Variants in SMARCC1 observed in about 807,000 individuals in gnomAD.
SMARCC1 encodes the protein SWI/SNF related BAF chromatin remodeling complex subunit C1.
Under a neutral mutation model 147.4 loss-of-function variants are expected in SMARCC1, and 43 were observed. The ratio of observed to expected loss-of-function variants is 0.29; its 90% confidence interval spans 0.23 to 0.38. SMARCC1 has a LOEUF of 0.38. SMARCC1 is among the 10% of genes least tolerant of loss of function. The pLI, the probability that SMARCC1 is intolerant of heterozygous loss-of-function variation, is 1.00. For synonymous variants in SMARCC1, 495 were observed against 484.4 expected, an observed-to-expected ratio of 1.02 and a Z score of -0.29; for missense variants, 1,119 against 1,381.1, an observed-to-expected ratio of 0.81 and a Z score of 3.01.
At chr3:47,727,267 G>T (rs1278140358) in intron 6 of SMARCC1, among the ~76,000 whole-genome samples, 4 of 152,062 alleles carry the variant, frequency 2.6e-5, no homozygotes, top group African/African-American at 9.7e-5. Flanking sequence ...CCAGCACTTT[G>T]GGAGGCCGAG....
At chr3:47,619,658 G>A (rs147987548) in intron 25 of SMARCC1, among the ~76,000 whole-genome samples, 3 of 152,296 alleles carry the variant, frequency 2.0e-5, no homozygotes, top group Non-Finnish European at 2.9e-5. Context: ...ATGAGCTCCC[G>A]GGGCAGGAGA....
intron 25 of SMARCC1, among the ~76,000 whole-genome samples, chr3:47,613,037 A>G (rs2106673358): frequency 6.6e-6 from 1 of 152,352 alleles, no homozygotes; most frequent in Non-Finnish European, 1.5e-5. Context: ...TGTGGCAATC[A>G]GAAAGAATGT....
At chr3:47,640,466 T>C (rs1008069190) in intron 21 of SMARCC1, among the ~76,000 whole-genome samples, 1 of 152,078 alleles carries the variant, frequency 6.6e-6, no homozygotes, top group Admixed American at 6.5e-5. Flanking sequence ...AAAAACTTTA[T>C]TCCAAGTAAA....
At chr3:47,728,063 C>T (rs1473734678) in intron 6 of SMARCC1, among the ~76,000 whole-genome samples, 2 of 148,472 alleles carry the variant, frequency 1.3e-5, no homozygotes, top group African/African-American at 2.5e-5. Context: ...CCGGATTTAA[C>T]CACCTTATTA....
chr3:47,701,381 C>T lies in SMARCC1; in HGVS notation c.1062G>A (p.Lys354=), dbSNP rs202054191. 5.3e-4 allele frequency: 852 copies of T among 1,613,856 alleles called. 5 individuals are homozygous for T. The South Asian group carries it at 8.9e-3, about 17-fold the overall frequency. ...CATCTTCCTCTTTCTGACTTCTGCG[C>T]TTCCCATAAAGGCTAGCTTGGCTAA... ...GKKGQASLYG[K]RRSQKEEDEQ... is the part of the protein sequence containing the mutation. Residue 354 remains lysine, a synonymous_variant, in exon 11 of 28, where the codon AAG becomes AAA. Transcript: ENST00000254480.
intron 12 of SMARCC1, 101 bp from the exon 13 acceptor site, chr3:47,689,525 G>T (rs1363121655): frequency 8.1e-6 from 8 of 986,180 alleles, no homozygotes; most frequent in East Asian, 2.4e-5. Flanking sequence ...ACAGAGAAAA[G>T]GAATGAAATA....
At chr3:47,775,434 A>C (rs1481676191) in intron 1 of SMARCC1, among the ~76,000 whole-genome samples, 1 of 144,288 alleles carries the variant, frequency 6.9e-6, no homozygotes, top group African/African-American at 2.5e-5. Context: ...TGCTGGGATT[A>C]CAGGTGTGAG....
intron 19 of SMARCC1, among the ~76,000 whole-genome samples, chr3:47,665,933 T>A (rs1383844182): frequency 6.6e-6 from 1 of 151,852 alleles, no homozygotes; most frequent in Non-Finnish European, 1.5e-5. Context: ...AATCCTTCCA[T>A]CTCAGCCTCA....
rs2032542460 is a variant in SMARCC1 at position 47,610,144 on chromosome 3, C to G, written c.2965G>C (p.Gly989Arg). 1 of 1,613,812 alleles carries G rather than the reference C, an allele frequency of 6.2e-7. No individual in the cohort carries two copies. Among genetic ancestry groups the G allele is most frequent in the Non-Finnish European group, 8.5e-7 (1 of 1,180,046 alleles). ...GGGGGCTGTTGATGAGGCATCATGC[C>G]AGGGTGCCCTGCTGCTCCAAGTGGG... ...LAPLGAAGHP[G>R]MMPHQQPPPY... Residue 989 changes from glycine (G) to arginine (R), a missense_variant, in exon 26 of 28, where the codon GGC becomes CGC. Physicochemically the swap from Gly to Arg is moderately radical, Grantham distance 125 (BLOSUM62 -2). This residue lies in a region of SMARCC1 where 186 missense variants were observed against 216.5 expected (regional missense o/e 0.86). Coordinates refer to ENST00000254480, the MANE Select transcript of SMARCC1 (RefSeq NM_003074.4).
intron 6 of SMARCC1, among the ~76,000 whole-genome samples, chr3:47,727,617 GTTTTTTT>G (rs1019175816): frequency 6.9e-6 from 1 of 145,062 alleles, no homozygotes; most frequent in Non-Finnish European, 1.5e-5. Context: ...GTTGTTTTTT[GTTTTTTT>G]TTTTAGGTAA....
At chr3:47,774,938 AG>A (rs2034956906) in intron 1 of SMARCC1, among the ~76,000 whole-genome samples, 1 of 151,876 alleles carries the variant, frequency 6.6e-6, no homozygotes, top group Non-Finnish European at 1.5e-5. Context: ...CCAGAGAGCT[AG>A]GACTACAGAG....
At chr3:47,645,685 T>C (rs2033110805) in intron 21 of SMARCC1, among the ~76,000 whole-genome samples, 1 of 152,236 alleles carries the variant, frequency 6.6e-6, no homozygotes, top group African/African-American at 2.4e-5. Context: ...TGAATAAGTA[T>C]AATGTGGGAG....
chr3:47,727,482 G>A (rs2034312998), intron 6 of SMARCC1, among the ~76,000 whole-genome samples: 1 of 152,074 alleles, frequency 6.6e-6, no homozygotes. Flanking sequence ...ACTCTAGCCT[G>A]GGTGACAGAA....
intron 26 of SMARCC1, among the ~76,000 whole-genome samples, chr3:47,608,500 CT>C (rs2032513222): frequency 6.6e-6 from 1 of 152,060 alleles, no homozygotes; most frequent in South Asian, 2.1e-4. Flanking sequence ...ACTGATCAAT[CT>C]TAATTACCAC....
rs200011386 is a variant in SMARCC1, at chr3:47,635,996, A to G, written c.2491+26T>C. On this transcript the variant is annotated intron_variant, in intron 23 of 27. Coordinates refer to ENST00000254480, the MANE Select transcript of SMARCC1 (RefSeq NM_003074.4). The stretch of plus-strand genomic sequence containing the variant: ...GTGCCTTTTACAGTTTTACATAATA[A>G]TATCTAAGGAGTTTCCTCAAATTAC... The G allele has an allele frequency of 6.5e-6, 7 of 1,071,344 alleles. No individual in the cohort carries two copies. In the African/African-American group the frequency reaches 7.9e-5, roughly 12 times the overall value. The allele number at this position is 1,071,344 out of a possible 1,614,324, so 66.4% of individuals were successfully genotyped here. A position where few individuals can be genotyped will look rare whatever the true frequency, so the allele number is the denominator to read the frequency against.
chr3:47,602,975 C>A (rs1423429598), intron 26 of SMARCC1, among the ~76,000 whole-genome samples: 1 of 152,100 alleles, frequency 6.6e-6, no homozygotes, highest in Admixed American at 6.5e-5. Context: ...CATAGTGAGA[C>A]CTTGTCTCTA....
intron 22 of SMARCC1, among the ~76,000 whole-genome samples, chr3:47,637,466 CTT>C (rs2032986141): frequency 6.6e-6 from 1 of 152,188 alleles, no homozygotes; most frequent in African/African-American, 2.4e-5. Context: ...AATCCCAACA[CTT>C]TGGGAAGCCA....
At chr3:47,704,131 G>C (rs898753047) in intron 10 of SMARCC1, among the ~76,000 whole-genome samples, 1 of 151,976 alleles carries the variant, frequency 6.6e-6, no homozygotes, top group Admixed American at 6.6e-5. Context: ...AAAGGAAGGA[G>C]AGTACACTTG....
intron 2 of SMARCC1, among the ~76,000 whole-genome samples, chr3:47,750,435 A>AAAATAAAT (rs565957715): frequency 1.1e-4 from 16 of 152,056 alleles, no homozygotes; most frequent in African/African-American, 3.6e-4. Context: ...CTCCATCTCA[A>AAAATAAAT]AAATAAATAA....
Sources: gnomAD v4.1 joint callset for allele counts (sites outside exome capture counted in the v4.1 genomes callset) on GRCh38, gnomAD v4.1.1 for gene constraint, gnomAD v4.1.1 regional missense constraint, MANE v1.5 for transcripts, NCBI Gene and HGNC (gene_info 2026-07-23, HGNC 2026-07-21) for gene names.